The following TMTC4 variants were observed in gnomAD, a reference collection of about 807,000 sequenced individuals.
The protein encoded by TMTC4 is transmembrane O-mannosyltransferase targeting cadherins 4.
TMTC4 carries 65 observed loss-of-function variants against 86.0 expected under a neutral mutation model. That is an observed-to-expected ratio of 0.76 (90% CI 0.62 to 0.93). The LOEUF is 0.93. TMTC4 is among the 40% of genes least tolerant of loss of function. TMTC4 has a pLI of 0.00. For synonymous variants in TMTC4, 379 were observed against 382.5 expected (o/e 0.99, Z 0.11); for missense variants, 866 against 948.1 (o/e 0.91, Z 1.14).
At chr13:100,637,878 C>G (rs1882478348) in intron 8 of TMTC4, 52 bp downstream of exon 8, 2 of 1,554,064 alleles carry the variant, frequency 1.3e-6, no homozygotes, top group Non-Finnish European at 8.8e-7. Context: ...TTTAAATCAG[C>G]TGGTACTTGA....
intron 15 of TMTC4, among the ~76,000 whole-genome samples, chr13:100,622,384 A>G (rs1228458539): frequency 6.6e-6 from 1 of 152,136 alleles, no homozygotes; most frequent in Non-Finnish European, 1.5e-5. Flanking sequence ...AAATGCGGTG[A>G]TATGGTTTGG....
At chr13:100,626,044 T>C (rs2138811012) in intron 13 of TMTC4, 27 bp downstream of exon 13, 2 of 1,613,048 alleles carry the variant, frequency 1.2e-6, no homozygotes, top group Non-Finnish European at 1.7e-6. Context: ...GTGTACATAA[T>C]TCTTCTGTAA....
At chr13:100,643,246 C>T (rs997119637) in intron 6 of TMTC4, among the ~76,000 whole-genome samples, 1 of 152,194 alleles carries the variant, frequency 6.6e-6, no homozygotes, top group African/African-American at 2.4e-5. Flanking sequence ...AAAAGCGAAC[C>T]TTCTTGGAGA....
intron 6 of TMTC4, 124 bp downstream of exon 6, chr13:100,656,257 G>T: frequency 4.1e-6 from 3 of 737,832 alleles, no homozygotes; most frequent in Non-Finnish European, 6.6e-6. Flanking sequence ...TGCATCCTCT[G>T]GCCCAGATCC....
rs777325950 is a variant in TMTC4 at position 100,612,486 on chromosome 13, A to G, written c.1976T>C (p.Val659Ala). The change falls in exon 17 of 19, where the codon GTT becomes GCT. Residue 659 changes from valine to alanine, a missense_variant. By Grantham distance (64) the Val-to-Ala change is moderately conservative. Coordinates refer to ENST00000342624, the MANE Select transcript of TMTC4 (RefSeq NM_032813.5). ...NTGNLAQAEA[V>A]GREALELIPN... ...TATTAATTCCAGTGCCTCTCTTCCA[A>G]CTGCTTCAGCTTGGGCTAAATTACC... 31 of 1,611,720 alleles carry G rather than the reference A, an allele frequency of 1.9e-5. No individual in the cohort carries two copies. The highest frequency in any genetic ancestry group is 2.5e-5 in the Non-Finnish European group (30 of 1,179,320).
chr13:100,644,467 T>C (rs1883456146), intron 6 of TMTC4, among the ~76,000 whole-genome samples: 1 of 152,242 alleles, frequency 6.6e-6, no homozygotes, highest in East Asian at 1.9e-4. Flanking sequence ...TGAGAAGGCC[T>C]GTCCCCAGCT....
At chr13:100,610,266 G>A (rs1050247667) in intron 17 of TMTC4, among the ~76,000 whole-genome samples, 2 of 152,130 alleles carry the variant, frequency 1.3e-5, no homozygotes, top group African/African-American at 4.8e-5. Flanking sequence ...CTCTTCTCTG[G>A]GACATCCTGC....
At chr13:100,638,155 C>T (rs1882523834) in intron 7 of TMTC4, 133 bp from the exon 8 acceptor site, 2 of 624,308 alleles carry the variant, frequency 3.2e-6, no homozygotes, top group Non-Finnish European at 5.5e-6. Context: ...ACCTCTGCAG[C>T]TCTTTAAAAA....
chr13:100,674,292 C>A (rs1887540373), intron 1 of TMTC4: 1 of 979,158 alleles, frequency 1.0e-6, no homozygotes, highest in East Asian at 1.2e-4. Flanking sequence ...GCCAAGCGGC[C>A]CGGCTGTGTC....
chr13:100,605,972 CTG>C lies in TMTC4; in HGVS notation c.2134+384_2134+385del, dbSNP rs1289838368. 6.6e-6 allele frequency among the ~76,000 whole-genome samples: 1 copy of C among 152,142 alleles called. No individual in the cohort carries two copies. Among genetic ancestry groups the C allele is most frequent in the East Asian group, 1.9e-4 (1 of 5,200 alleles). On this transcript the variant is annotated intron_variant, in intron 18 of 18. Transcript: ENST00000342624. This position sits in a 1 kb window ranked among gnomAD's most constrained non-coding sequence, Gnocchi z 4.3. ...CCAGGCTGGAAGGGGAAGGTCTACT[CTG>C]TAAGAAGGAAGGAAAAGGAGGTAAG...
chr13:100,619,007 C>T (rs1879015598), intron 15 of TMTC4, among the ~76,000 whole-genome samples: 5 of 152,238 alleles, frequency 3.3e-5, no homozygotes, highest in Admixed American at 2.6e-4. Context: ...CTGTTGGGTA[C>T]ACCTCCCAGA....
intron 12 of TMTC4, among the ~76,000 whole-genome samples, chr13:100,631,426 T>C (rs1204910656): frequency 6.6e-6 from 1 of 152,248 alleles, no homozygotes; most frequent in African/African-American, 2.4e-5. Flanking sequence ...AAGAATTTAT[T>C]ATAGAATTGT....
At chr13:100,665,616 G>A (rs1165841153) in intron 3 of TMTC4, among the ~76,000 whole-genome samples, 4 of 152,286 alleles carry the variant, frequency 2.6e-5, no homozygotes, top group Middle Eastern at 3.4e-3. Context: ...GGGACAGCCC[G>A]TCTGTACCAG....
intron 15 of TMTC4, chr13:100,623,771 T>G (rs1283774178): frequency 4.0e-6 from 1 of 248,698 alleles, no homozygotes; most frequent in Non-Finnish European, 8.2e-6. Context: ...CACCAGCTGA[T>G]GGGTACCAGC....
At chr13:100,662,636 C>A (rs943954528) in intron 5 of TMTC4, among the ~76,000 whole-genome samples, 6 of 152,154 alleles carry the variant, frequency 3.9e-5, no homozygotes, top group Admixed American at 3.9e-4. Flanking sequence ...AACATCCGTG[C>A]CTTCACAGCT....
At chr13:100,663,202 A>G (rs1886005279) in intron 4 of TMTC4, 22 bp from the exon 5 acceptor site, 2 of 1,611,000 alleles carry the variant, frequency 1.2e-6, no homozygotes, top group South Asian at 2.2e-5. Context: ...CAGGGTGTTC[A>G]GGGTACACGC....
chr13:100,636,469 G>C, intron 10 of TMTC4, 63 bp downstream of exon 10: 2 of 1,581,570 alleles, frequency 1.3e-6, no homozygotes, highest in Non-Finnish European at 8.7e-7. Context: ...GATCAGCGCA[G>C]GATTTCACAA....
chr13:100,660,146 C>T (rs955651949), intron 5 of TMTC4, among the ~76,000 whole-genome samples: 9 of 151,470 alleles, frequency 5.9e-5, no homozygotes, highest in Admixed American at 6.6e-5. Flanking sequence ...GCCTGTCCAT[C>T]ATGGTGAAAC....
rs759342248 is a variant in TMTC4 at position 100,663,071 on chromosome 13, A to G, written c.445T>C (p.Phe149Leu). The G allele has an allele frequency of 2.5e-6, 4 of 1,614,220 alleles. No homozygotes were observed. The East Asian group carries it at 8.9e-5, about 36-fold the overall frequency. ...VLMVDVFSVL[F>L]GGLQYTSKGR... ...TTACTGGTGTACTGCAGGCCGCCAA[A>G]CAGAACCGAGAAGACGTCCACCATG... Residue 149 changes from phenylalanine to leucine, a missense_variant, in exon 5 of 19, where the codon TTT becomes CTT. Coordinates refer to ENST00000342624, the MANE Select transcript of TMTC4 (RefSeq NM_032813.5).
Sources: gnomAD v4.1 joint callset for allele counts (sites outside exome capture counted in the v4.1 genomes callset) on GRCh38, gnomAD v4.1.1 for gene constraint, Gnocchi (gnomAD v3.1) non-coding constraint, MANE v1.5 for transcripts, NCBI Gene and HGNC (gene_info 2026-07-23, HGNC 2026-07-21) for gene names.